AK5: variants seen among roughly 807,000 people sequenced by gnomAD.
AK5 encodes adenylate kinase 5.
In AK5, 27 loss-of-function variants were observed where a neutral mutation model predicts 69.5. The ratio of observed to expected loss-of-function variants is 0.39; its 90% CI spans 0.29 to 0.54. The LOEUF (loss-of-function observed/expected upper bound fraction) is 0.54, where lower values mean the gene tolerates loss of function less well. Ranked by LOEUF, AK5 falls within the 20% of genes least tolerant of loss-of-function variation. The probability of loss-of-function intolerance (pLI) is 0.71; values close to 1 mark genes in which losing one functional copy is unlikely to be tolerated. For synonymous variants in AK5, 260 were observed against 244.4 expected (o/e 1.06, Z -0.60); for missense variants, 531 against 700.4 (o/e 0.76, Z 2.73).
At chr1:77,476,592 T>C (rs1654948052) in intron 8 of AK5, among the ~76,000 whole-genome samples, 1 of 152,158 alleles carries the variant, frequency 6.6e-6, no homozygotes, top group African/African-American at 2.4e-5. Context: ...TGCCCCTCCC[T>C]GCTCACCATA....
At chr1:77,515,039 T>C (rs1041616854) in intron 10 of AK5, among the ~76,000 whole-genome samples, 2 of 152,310 alleles carry the variant, frequency 1.3e-5, no homozygotes, top group African/African-American at 4.8e-5. Context: ...ATTCCTATTA[T>C]ACTGAGAGAC....
At chr1:77,537,992 T>C (rs1659061983) in intron 13 of AK5, among the ~76,000 whole-genome samples, 1 of 152,198 alleles carries the variant, frequency 6.6e-6, no homozygotes, top group Non-Finnish European at 1.5e-5. Context: ...GACTTATTTG[T>C]TGTGCTTTAT....
chr1:77,529,769 GGAAGTCATATTAACA>G (rs1207242488), intron 12 of AK5, among the ~76,000 whole-genome samples: 1 of 151,898 alleles, frequency 6.6e-6, no homozygotes, highest in Non-Finnish European at 1.5e-5. Context: ...TCATATTAAT[GGAAGTCATATTAACA>G]GAAGTCATAT....
intron 6 of AK5, chr1:77,340,794 T>C: frequency 2.4e-6 from 1 of 411,784 alleles, no homozygotes; most frequent in Non-Finnish European, 4.3e-6. Context: ...TGAAAGAAGA[T>C]AAATTTTAAC....
intron 10 of AK5, among the ~76,000 whole-genome samples, chr1:77,517,274 C>T (rs1035289984): frequency 6.6e-6 from 1 of 152,148 alleles, no homozygotes; most frequent in Non-Finnish European, 1.5e-5. Flanking sequence ...GGCTCCAAAG[C>T]CCCTCCGATT....
At chr1:77,355,483 A>G (rs897697524) in intron 6 of AK5, among the ~76,000 whole-genome samples, 5 of 152,130 alleles carry the variant, frequency 3.3e-5, no homozygotes, top group African/African-American at 1.2e-4. Flanking sequence ...TAGTTGTTCA[A>G]AATGGCATTC....
At chr1:77,474,176 A>AACTTTATAAATATTGTCAATAAATATT (rs1654687967) in intron 8 of AK5, among the ~76,000 whole-genome samples, 3 of 152,212 alleles carry the variant, frequency 2.0e-5, no homozygotes, top group African/African-American at 7.2e-5. Flanking sequence ...TGTCAATAGT[A>AACTTTATAAATATTGTCAATAAATATT]GCTATAGATA....
chr1:77,487,615 T>C (rs1039211224), intron 10 of AK5, among the ~76,000 whole-genome samples: 1 of 152,188 alleles, frequency 6.6e-6, no homozygotes, highest in African/African-American at 2.4e-5. Flanking sequence ...GAGTGCCTCC[T>C]TGGAAATCTC....
intron 3 of AK5, among the ~76,000 whole-genome samples, chr1:77,296,416 A>T (rs1025410159): frequency 6.6e-6 from 1 of 152,210 alleles, no homozygotes; most frequent in African/African-American, 2.4e-5. Flanking sequence ...AAGCTCATCC[A>T]ACAAATTAAT....
intron 5 of AK5, among the ~76,000 whole-genome samples, chr1:77,317,031 C>G (rs1412281228): frequency 6.6e-6 from 1 of 152,142 alleles, no homozygotes; most frequent in East Asian, 1.9e-4. Flanking sequence ...TTATATGGGT[C>G]AGGAAATCAA....
At chr1:77,450,043 G>C (rs151296670) in intron 8 of AK5, among the ~76,000 whole-genome samples, 1,800 of 152,172 alleles carry the variant, frequency 0.012, 14 homozygotes, top group Non-Finnish European at 0.019. Context: ...CAAGTTCAAA[G>C]TTCCACAAAT....
intron 8 of AK5, among the ~76,000 whole-genome samples, chr1:77,482,635 C>T (rs183854661): frequency 6.6e-5 from 10 of 151,914 alleles, no homozygotes; most frequent in African/African-American, 1.9e-4. Flanking sequence ...TAGCGCAGCA[C>T]GGTGGTACAT....
At chr1:77,319,436 T>C (rs1293180040) in intron 5 of AK5, among the ~76,000 whole-genome samples, 1 of 152,216 alleles carries the variant, frequency 6.6e-6, no homozygotes, top group Non-Finnish European at 1.5e-5. Context: ...AACTCTTTTA[T>C]CTACTTTTTG....
chr1:77,430,876 A>G (rs1038012926), intron 8 of AK5, among the ~76,000 whole-genome samples: 1 of 152,232 alleles, frequency 6.6e-6, no homozygotes, highest in Non-Finnish European at 1.5e-5. Flanking sequence ...AGCGCTATAA[A>G]GTGAAGACAC....
Position 77,355,914 on chromosome 1 carries a change from T to C in AK5, c.891+15346T>C, listed in dbSNP as rs908218182. On this transcript the variant is annotated intron_variant, in intron 6 of 13. Coordinates refer to ENST00000354567, the MANE Select transcript of AK5 (RefSeq NM_174858.3). Reference sequence around the variant, plus strand: ...ACACACACACACACACATATATATATACACACACTTAATATATATAGTTAA... The same window carrying C: ...ACACACACACACACACATATATATACACACACACTTAATATATATAGTTAA... Among the ~76,000 whole-genome samples, 17 of 148,958 alleles carry C rather than the reference T, an allele frequency of 1.1e-4. No homozygotes were observed. The South Asian group carries it at 2.1e-3, about 18-fold the overall frequency.
In AK5 at chr1:77,293,937, G is replaced by A. The variant is rs748131063; in HGVS notation, c.392G>A (p.Arg131Gln). The change falls in exon 3 of 14, where the codon CGA (arginine) becomes CAA (glutamine). Residue 131 changes from arginine (R) to glutamine (Q), a missense_variant. Arg to Gln is a conservative substitution (Grantham distance 43). Transcript: ENST00000354567. ...GAGGTTTTTGATCCTACCAGACCTC[G>A]ACCAAAAATCATTCTTGTTATAGGT... ...EYEVFDPTRP[R>Q]PKIILVIGGP... 10 of 1,610,348 alleles carry A rather than the reference G, an allele frequency of 6.2e-6. No homozygotes were observed. The highest frequency in any genetic ancestry group is 6.8e-6 in the Non-Finnish European group (8 of 1,178,854).
chr1:77,346,860 A>C (rs143184888), intron 6 of AK5, among the ~76,000 whole-genome samples: 119 of 152,356 alleles, frequency 7.8e-4, no homozygotes, highest in African/African-American at 2.8e-3. Context: ...TAAGAAAAGC[A>C]AACAAACATT....
At chr1:77,501,633 T>C (rs2100261901) in intron 10 of AK5, among the ~76,000 whole-genome samples, 1 of 152,380 alleles carries the variant, frequency 6.6e-6, no homozygotes, top group South Asian at 2.1e-4. Context: ...GGGACCATCC[T>C]TTATGCAGTT....
chr1:77,475,020 C>T (rs1257097324), intron 8 of AK5, among the ~76,000 whole-genome samples: 1 of 151,776 alleles, frequency 6.6e-6, no homozygotes. Flanking sequence ...CCAGGCTGAT[C>T]TTGAAGTCCT....
Sources: gnomAD v4.1 joint callset for allele counts (sites outside exome capture counted in the v4.1 genomes callset) on GRCh38, gnomAD v4.1.1 for gene constraint, MANE v1.5 for transcripts, NCBI Gene and HGNC (gene_info 2026-07-23, HGNC 2026-07-21) for gene names.